Variants in GRAMD1A observed in about 807,000 individuals in gnomAD.
GRAMD1A encodes the protein GRAM domain containing 1A, also known as protein Aster-A.
A neutral mutation model predicts 92.0 loss-of-function variants in GRAMD1A; 50 were observed. That is an observed-to-expected ratio of 0.54 (90% CI 0.43 to 0.69). GRAMD1A has a LOEUF of 0.69. Ranked by LOEUF, GRAMD1A falls within the 30% of genes least tolerant of loss-of-function variation. The probability of loss-of-function intolerance (pLI) is 0.00; values close to 1 mark genes in which losing one functional copy is unlikely to be tolerated. For missense variants in GRAMD1A, 819 were observed against 978.9 expected, an observed-to-expected ratio of 0.84 and a Z score of 2.18; for synonymous variants, 405 against 403.6, an observed-to-expected ratio of 1.00 and a Z score of -0.04.
intron 6 of GRAMD1A, 128 bp from the exon 7 acceptor site, chr19:35,011,345 CA>C: frequency 1.3e-6 from 1 of 776,720 alleles, no homozygotes; most frequent in Non-Finnish European, 2.3e-6. Flanking sequence ...GGAACTAATG[CA>C]GGGGTGAATT....
At chr19:35,017,500 C>T (rs1381237117) in intron 11 of GRAMD1A, among the ~76,000 whole-genome samples, 1 of 152,054 alleles carries the variant, frequency 6.6e-6, no homozygotes, top group East Asian at 1.9e-4. Flanking sequence ...TCCTCCCCTG[C>T]TTGAATCTCT....
At chr19:35,025,551 C>T (rs559854308) in intron 19 of GRAMD1A, among the ~76,000 whole-genome samples, 38 of 152,242 alleles carry the variant, frequency 2.5e-4, no homozygotes, top group African/African-American at 8.9e-4. Flanking sequence ...GCCGTTATCC[C>T]GGTTTTATAC....
chr19:35,025,826 T>C (rs1005016218), intron 19 of GRAMD1A, among the ~76,000 whole-genome samples: 1 of 152,162 alleles, frequency 6.6e-6, no homozygotes, highest in Non-Finnish European at 1.5e-5. Context: ...GATTTGAACC[T>C]AGGCCATCGG....
rs978922264 is a variant in GRAMD1A at position 35,019,681 on chromosome 19, G to A, written c.1475+148G>A. Reference sequence around the variant, plus strand: ...CTGAGGCCCTTGTCCTCCGAATAGTGGAGGGTAGAGGAAGAGTGGCCCTGG... The same window carrying A: ...CTGAGGCCCTTGTCCTCCGAATAGTAGAGGGTAGAGGAAGAGTGGCCCTGG... On this transcript the variant is annotated intron_variant, in intron 13 of 19. Transcript: ENST00000317991. 5.2e-6 allele frequency: 4 copies of A among 775,556 alleles called. No homozygotes were observed. In the African/African-American group the frequency reaches 6.9e-5, roughly 13 times the overall value. 48.0% of individuals were successfully genotyped at this position (775,556 alleles called of 1,614,324 possible). A position where few individuals can be genotyped will look rare whatever the true frequency, so the allele number is the denominator to read the frequency against.
At chr19:35,014,098 C>A (rs2015448305) in intron 9 of GRAMD1A, 91 bp from the exon 10 acceptor site, 2 of 1,246,804 alleles carry the variant, frequency 1.6e-6, no homozygotes, top group African/African-American at 1.5e-5. Flanking sequence ...CGGGTCTGCA[C>A]AGGCTCTGGA....
Position 35,026,013 on chromosome 19 carries a change from C to T in GRAMD1A, c.2083-36C>T, listed in dbSNP as rs59561569. On this transcript the variant is annotated intron_variant, in intron 19 of 19. Coordinates refer to ENST00000317991, the MANE Select transcript of GRAMD1A (RefSeq NM_020895.5). ...GGCGACATCACCCCCCAGCCTCCAG[C>T]GTTCACCCCCGACCCTGCTCACCTC... is the stretch of plus-strand genomic sequence containing the variant. 7.6e-3 allele frequency: 8,157 copies of T among 1,070,874 alleles called. 370 individuals carry two copies. In the African/African-American group the frequency reaches 0.1, roughly 14 times the overall value. 66.3% of individuals were successfully genotyped at this position (1,070,874 alleles called of 1,614,324 possible). A position where few individuals can be genotyped will look rare whatever the true frequency, so the allele number is the denominator to read the frequency against.
At chr19:34,996,507 T>C (rs1040569996), upstream of GRAMD1A, among the ~76,000 whole-genome samples, 19 of 152,160 alleles carry the variant, frequency 1.2e-4, 1 homozygote, top group African/African-American at 3.9e-4. Flanking sequence ...GAGTTCTGCC[T>C]AGTAAGAGTG....
intron 9 of GRAMD1A, 70 bp from the exon 10 acceptor site, chr19:35,014,119 C>A: frequency 7.3e-7 from 1 of 1,377,224 alleles, no homozygotes; most frequent in Non-Finnish European, 1.0e-6. Flanking sequence ...ATCCTTGTGG[C>A]CAGTGTGGAC....
At chr19:35,019,676 A>G (rs1289664065) in intron 13 of GRAMD1A, 143 bp downstream of exon 13, 2 of 808,762 alleles carry the variant, frequency 2.5e-6, no homozygotes, top group Admixed American at 4.5e-5. Context: ...TGTCCTCCGA[A>G]TAGTGGAGGG....
intron 4 of GRAMD1A, 26 bp from the exon 5 acceptor site, chr19:35,010,063 GTCC>G (rs2015112805): frequency 6.6e-7 from 1 of 1,517,758 alleles, no homozygotes; most frequent in Non-Finnish European, 9.2e-7. Flanking sequence ...TGACTTGGGT[GTCC>G]TCCTGTCTCT....
In GRAMD1A at chr19:35,010,261, A is replaced by G. The variant is rs374473699; in HGVS notation, c.430-23A>G. On this transcript the variant is annotated intron_variant, in intron 5 of 19. Transcript: ENST00000317991. Reference sequence around the variant, plus strand: ...CATGGCCAGGCCCCACCCCGCTCCTATTGACCCTCCTGCTGTCCTCAGATC... The same window carrying G: ...CATGGCCAGGCCCCACCCCGCTCCTGTTGACCCTCCTGCTGTCCTCAGATC... The G allele has an allele frequency of 3.5e-5, 56 of 1,600,716 alleles. No individual in the cohort carries two copies. In the African/African-American group the frequency reaches 6.6e-4, roughly 19 times the overall value.
chr19:35,021,626 G>A lies in GRAMD1A; in HGVS notation c.1579+21G>A, dbSNP rs2151733768. 6.2e-7 allele frequency: 1 copy of A among 1,613,096 alleles called. No homozygotes were observed. The highest frequency in any genetic ancestry group is 2.2e-5 in the East Asian group (1 of 44,874). On this transcript the variant is annotated intron_variant, in intron 14 of 19. Coordinates refer to ENST00000317991, the MANE Select transcript of GRAMD1A (RefSeq NM_020895.5). This position sits in a 1 kb window ranked among gnomAD's most constrained non-coding sequence, Gnocchi z 5.3. ...TCTGGGTAGGGACAGAAGGCCGGCT[G>A]GGGCGTGGGTTGGGGGATGGCCTGG...
rs541779768 is a variant in GRAMD1A, at chr19:35,026,384, C to T, written c.*243C>T. ...CCGGCTGAGGTTGTGGGGGGCGCCT[C>T]CTGGGGTGCACGATTCCCTCAGCTC... On this transcript the variant is annotated 3_prime_UTR_variant, in exon 20 of 20. Transcript: ENST00000317991. 184 of 572,320 alleles carry T rather than the reference C, an allele frequency of 3.2e-4. 4 individuals carry two copies. The South Asian group carries it at 3.9e-3, about 12-fold the overall frequency. 35.5% of individuals were successfully genotyped at this position (572,320 alleles called of 1,614,324 possible).
At chr19:35,012,956 C>A in intron 7 of GRAMD1A, 1 of 323,112 alleles carries the variant, frequency 3.1e-6, no homozygotes. Context: ...GCCTGAGCGA[C>A]AGAGCCAGAC....
intron 6 of GRAMD1A, chr19:35,010,660 G>C (rs2015168692): frequency 3.4e-6 from 2 of 587,634 alleles, no homozygotes; most frequent in Admixed American, 6.3e-5. Flanking sequence ...CCCTTCGTAA[G>C]TCTCCCCGAT....
At chr19:35,024,412 G>A (rs886844714) in intron 19 of GRAMD1A, among the ~76,000 whole-genome samples, 10 of 148,412 alleles carry the variant, frequency 6.7e-5, no homozygotes, top group Non-Finnish European at 5.9e-5. Flanking sequence ...GCCAGCAGTT[G>A]CGGTGGGTCA....
At chr19:35,000,232 C>G (rs1253888428), upstream of GRAMD1A, 1 of 1,023,478 alleles carries the variant, frequency 9.8e-7, no homozygotes, top group Non-Finnish European at 1.2e-6. This position sits in a 1 kb window ranked among gnomAD's most constrained non-coding sequence, Gnocchi z 4.9. Context: ...CCCCGCCTTC[C>G]CTCCCGGGCT....
chr19:35,013,199 C>T lies in GRAMD1A; in HGVS notation c.607-57C>T, dbSNP rs937428637. 18 of 911,968 alleles carry T rather than the reference C, an allele frequency of 2.0e-5. No individual in the cohort carries two copies. Among genetic ancestry groups the T allele is most frequent in the African/African-American group, 4.9e-5 (3 of 61,100 alleles). 56.5% of individuals were successfully genotyped at this position (911,968 alleles called of 1,614,324 possible). A position where few individuals can be genotyped will look rare whatever the true frequency, so the allele number is the denominator to read the frequency against. ...GGCCGAGGGCTGGTGGGGAATCTGG[C>T]GGGCCGGGCTCTGGCTGGGGTGAGA... On this transcript the variant is annotated intron_variant, in intron 7 of 19. Coordinates refer to ENST00000317991, the MANE Select transcript of GRAMD1A (RefSeq NM_020895.5). This position sits in a 1 kb window ranked among gnomAD's most constrained non-coding sequence, Gnocchi z 4.9.
Position 35,013,769 on chromosome 19 carries a change from A to G in GRAMD1A, c.870+78A>G, listed in dbSNP as rs540266091. 6.4e-6 allele frequency: 9 copies of G among 1,411,206 alleles called. No homozygotes were observed. The African/African-American group carries it at 1.1e-4, about 18-fold the overall frequency. 87.4% of individuals were successfully genotyped at this position (1,411,206 alleles called of 1,614,324 possible). On this transcript the variant is annotated intron_variant, in intron 9 of 19. Coordinates refer to ENST00000317991, the MANE Select transcript of GRAMD1A (RefSeq NM_020895.5). The surrounding 1 kb of genome is among the most constrained non-coding windows in gnomAD (Gnocchi z 4.9). Reference sequence around the variant, plus strand: ...GCTGGGGGTGCAGTGGGAGAAGAACAGCCTGACAGATTTGGAGGGGAATGG... The same window carrying G: ...GCTGGGGGTGCAGTGGGAGAAGAACGGCCTGACAGATTTGGAGGGGAATGG...
Sources: gnomAD v4.1 joint callset for allele counts (sites outside exome capture counted in the v4.1 genomes callset) on GRCh38, gnomAD v4.1.1 for gene constraint, Gnocchi (gnomAD v3.1) non-coding constraint, MANE v1.5 for transcripts, NCBI Gene and HGNC (gene_info 2026-07-23, HGNC 2026-07-21) for gene names.